Variants in INTS4 observed in about 807,000 individuals in gnomAD.
INTS4 encodes the protein integrator complex subunit 4, also known as MSTP093.
In INTS4, 70 loss-of-function variants were observed where a neutral mutation model predicts 119.5. The ratio of observed to expected loss-of-function variants is 0.59; its 90% CI spans 0.48 to 0.71. INTS4 has a LOEUF of 0.71. Ranked by LOEUF, INTS4 falls within the 30% of genes least tolerant of loss-of-function variation. INTS4 has a pLI of 0.00. For synonymous variants in INTS4, 316 were observed against 419.6 expected, an observed-to-expected ratio of 0.75 and a Z score of 3.02; for missense variants, 867 against 1,173.2, an observed-to-expected ratio of 0.74 and a Z score of 3.81.
intron 4 of INTS4, among the ~76,000 whole-genome samples, chr11:77,975,184 A>G (rs1490160240): frequency 6.6e-6 from 1 of 151,360 alleles, no homozygotes; most frequent in Non-Finnish European, 1.5e-5. Flanking sequence ...AGGTTAGGTT[A>G]CTGATTTTAG....
At chr11:77,933,331 T>G (rs917030612) in intron 10 of INTS4, among the ~76,000 whole-genome samples, 2 of 151,884 alleles carry the variant, frequency 1.3e-5, no homozygotes, top group Non-Finnish European at 2.9e-5. Context: ...TGCCTGATTG[T>G]CCTGCCTCAG....
At chr11:77,917,091 C>T (rs1953220810) in intron 15 of INTS4, among the ~76,000 whole-genome samples, 2 of 152,174 alleles carry the variant, frequency 1.3e-5, no homozygotes, top group South Asian at 4.2e-4. Context: ...TGTTATCCAC[C>T]ATCATAAGTC....
At chr11:77,895,100 G>A (rs1375196604) in intron 18 of INTS4, among the ~76,000 whole-genome samples, 1 of 151,676 alleles carries the variant, frequency 6.6e-6, no homozygotes, top group Non-Finnish European at 1.5e-5. Flanking sequence ...TGGCCTCACA[G>A]TACTTGAGAA....
At chr11:77,927,053 G>A (rs1441163348) in intron 11 of INTS4, among the ~76,000 whole-genome samples, 1 of 152,150 alleles carries the variant, frequency 6.6e-6, no homozygotes, top group Non-Finnish European at 1.5e-5. Context: ...GTGGGAATAA[G>A]TGGACGTCTC....
chr11:77,877,861 AG>A (rs1288811307), downstream of INTS4, among the ~76,000 whole-genome samples: 2 of 152,110 alleles, frequency 1.3e-5, no homozygotes, highest in Non-Finnish European at 2.9e-5. Flanking sequence ...CTGGGATTAT[AG>A]GCATGAGCCA....
chr11:77,916,757 C>T (rs1441628656), intron 15 of INTS4, among the ~76,000 whole-genome samples: 2 of 152,234 alleles, frequency 1.3e-5, no homozygotes, highest in Non-Finnish European at 2.9e-5. Flanking sequence ...TGAAGCATCC[C>T]TCACCACCAC....
intron 4 of INTS4, among the ~76,000 whole-genome samples, chr11:77,962,428 C>T (rs1186546946): frequency 6.6e-6 from 1 of 152,156 alleles, no homozygotes; most frequent in African/African-American, 2.4e-5. Flanking sequence ...CCTCTCACCA[C>T]GAATTTTAAT....
Position 77,981,550 on chromosome 11 carries a change from T to C in INTS4, c.273A>G (p.Lys91=). ...ATAATAAACCCAACAATGATGCAAT[T>C]TTCAGTCTCACAGATGGATCATTCT... ...YKENDPSVRL[K]IASLLGLLSK... The change falls in exon 3 of 23, where the codon AAA becomes AAG. Residue 91 remains lysine, a synonymous_variant. Coordinates refer to ENST00000534064, the MANE Select transcript of INTS4 (RefSeq NM_033547.4). 6.3e-7 allele frequency: 1 copy of C among 1,585,930 alleles called. No homozygotes were observed. The highest frequency in any genetic ancestry group is 1.3e-5 in the African/African-American group (1 of 74,216).
chr11:77,917,909 C>T (rs974304374), intron 15 of INTS4: 13 of 594,640 alleles, frequency 2.2e-5, no homozygotes, highest in Middle Eastern at 9.2e-4. Flanking sequence ...ACTGCATGTC[C>T]TCGCTCCTTG....
At chr11:77,939,400 T>G (rs1202910435) in intron 9 of INTS4, among the ~76,000 whole-genome samples, 1 of 151,360 alleles carries the variant, frequency 6.6e-6, no homozygotes, top group Non-Finnish European at 1.5e-5. Flanking sequence ...GCCGAGATCA[T>G]GCCACTGCAC....
At chr11:77,883,686 T>C (rs1951879301) in intron 22 of INTS4, 146 bp downstream of exon 22, 1 of 799,822 alleles carries the variant, frequency 1.3e-6, no homozygotes, top group Admixed American at 3.0e-5. Flanking sequence ...ACCCACTTAA[T>C]GAGTGCTTAT....
At chr11:77,930,232 G>T (rs1953613504) in intron 10 of INTS4, among the ~76,000 whole-genome samples, 1 of 152,052 alleles carries the variant, frequency 6.6e-6, no homozygotes, top group South Asian at 2.1e-4. Context: ...CTAAAGTTGT[G>T]GTTAAAACTC....
chr11:77,879,203 A>G, intron 22 of INTS4, 76 bp from the exon 23 acceptor site: 12 of 1,518,758 alleles, frequency 7.9e-6, no homozygotes, highest in Non-Finnish European at 1.1e-5. Flanking sequence ...AGTTAAAGAA[A>G]TATCAAAATG....
intron 15 of INTS4, among the ~76,000 whole-genome samples, chr11:77,916,377 G>A (rs1953204877): frequency 2.0e-5 from 3 of 152,276 alleles, no homozygotes; most frequent in East Asian, 1.9e-4. Flanking sequence ...GCATGTTACT[G>A]TACTAAAGAC....
intron 9 of INTS4, among the ~76,000 whole-genome samples, chr11:77,939,632 A>G (rs1168010309): frequency 6.6e-6 from 1 of 152,080 alleles, no homozygotes; most frequent in Non-Finnish European, 1.5e-5. Flanking sequence ...CAAATGAATG[A>G]CCTGGCACTC....
In INTS4 at chr11:77,900,528, T is replaced by C. The variant is rs1462182287; in HGVS notation, c.2228+893A>G. 5 of 638,646 alleles carry C rather than the reference T, an allele frequency of 7.8e-6. No homozygotes were observed. In the Admixed American group the frequency reaches 8.3e-5, roughly 11 times the overall value. 39.6% of individuals were successfully genotyped at this position (638,646 alleles called of 1,614,324 possible). A position where few individuals can be genotyped will look rare whatever the true frequency, so the allele number is the denominator to read the frequency against. On this transcript the variant is annotated intron_variant, in intron 18 of 22. Coordinates refer to ENST00000534064, the MANE Select transcript of INTS4 (RefSeq NM_033547.4). ...CCTAGTATGTTTCTGTGTTTAAGCA[T>C]TCATATTTATATCTCTATGGCACTT... is the stretch of plus-strand genomic sequence containing the variant.
intron 5 of INTS4, 60 bp downstream of exon 5, chr11:77,960,893 T>C (rs1954454194): frequency 1.4e-6 from 2 of 1,455,124 alleles, no homozygotes; most frequent in Non-Finnish European, 1.9e-6. Flanking sequence ...CAGCACTAGC[T>C]ATAAACTTAA....
intron 4 of INTS4, among the ~76,000 whole-genome samples, chr11:77,968,885 C>T (rs371002102): frequency 6.6e-6 from 1 of 151,926 alleles, no homozygotes; most frequent in African/African-American, 2.4e-5. Context: ...TTAGCCAAAA[C>T]GTGGAAAAAA....
chr11:77,944,194 C>T (rs943277765), intron 8 of INTS4, among the ~76,000 whole-genome samples: 5 of 152,056 alleles, frequency 3.3e-5, no homozygotes, highest in African/African-American at 1.2e-4. Context: ...TGCTATAAGC[C>T]AAAGGGATTG....
Sources: allele counts gnomAD v4.1 joint callset (sites outside exome capture counted in the v4.1 genomes callset), GRCh38; gene constraint gnomAD v4.1.1; transcripts MANE v1.5; gene names NCBI Gene and HGNC (gene_info 2026-07-23, HGNC 2026-07-21).